Variants in XYLT1 observed in about 807,000 individuals in gnomAD.
XYLT1 encodes xylosyltransferase 1.
Under a neutral mutation model 91.3 loss-of-function variants are expected in XYLT1, and 36 were observed. The ratio of observed to expected loss-of-function variants is 0.39; its 90% CI spans 0.30 to 0.52. The LOEUF (loss-of-function observed/expected upper bound fraction) is 0.52. Ranked by LOEUF, XYLT1 falls within the 20% of genes least tolerant of loss-of-function variation. The probability of loss-of-function intolerance (pLI) is 0.68; values close to 1 mark genes in which losing one functional copy is unlikely to be tolerated. For missense variants in XYLT1, 1,242 were observed against 1,284.5 expected (o/e 0.97, Z 0.51); for synonymous variants, 588 against 532.0 (o/e 1.11, Z -1.45).
At chr16:17,118,110 A>C in intron 10 of XYLT1, 131 bp from the exon 11 acceptor site, 3 of 919,760 alleles carry the variant, frequency 3.3e-6, no homozygotes, top group Non-Finnish European at 1.6e-6. Context: ...GCTCCAACTA[A>C]GTCACCTGCT....
chr16:17,428,284 T>G (rs1332826451), intron 1 of XYLT1, among the ~76,000 whole-genome samples: 3 of 152,168 alleles, frequency 2.0e-5, no homozygotes, highest in Non-Finnish European at 4.4e-5. Flanking sequence ...GCACCAGGAC[T>G]GGAGTAGCTT....
Position 17,200,462 on chromosome 16 carries a change from T to A in XYLT1, c.1086+20A>T, listed in dbSNP as rs762558063. The A allele has an allele frequency of 2.1e-5, 34 of 1,602,424 alleles. No homozygotes were observed. The South Asian group carries it at 3.6e-4, about 17-fold the overall frequency. On this transcript the variant is annotated intron_variant, in intron 4 of 11. Coordinates refer to ENST00000261381, the MANE Select transcript of XYLT1 (RefSeq NM_022166.4). Reference sequence around the variant, plus strand: ...ACCCCGAAGAAAGCCCAGCAAGGGGTGATCACAGAGGCCTCTCACCTTGTC... The same window carrying A: ...ACCCCGAAGAAAGCCCAGCAAGGGGAGATCACAGAGGCCTCTCACCTTGTC...
At chr16:17,396,574 T>C (rs908246415) in intron 1 of XYLT1, among the ~76,000 whole-genome samples, 2 of 152,086 alleles carry the variant, frequency 1.3e-5, no homozygotes, top group Non-Finnish European at 2.9e-5. Flanking sequence ...GGGTAGTACA[T>C]AAAAAAGCTA....
At chr16:17,128,250 A>G (rs2030333237) in intron 9 of XYLT1, among the ~76,000 whole-genome samples, 1 of 152,158 alleles carries the variant, frequency 6.6e-6, no homozygotes, top group African/African-American at 2.4e-5. Context: ...CATAAATACT[A>G]TTTGCATAAA....
intron 9 of XYLT1, among the ~76,000 whole-genome samples, chr16:17,130,839 C>G (rs1312319076): frequency 6.6e-6 from 1 of 151,554 alleles, no homozygotes; most frequent in Non-Finnish European, 1.5e-5. Flanking sequence ...TCAGTAAAAT[C>G]CAAACTCCTT....
chr16:17,240,038 G>A (rs1252955141), intron 3 of XYLT1, among the ~76,000 whole-genome samples: 1 of 152,196 alleles, frequency 6.6e-6, no homozygotes, highest in Non-Finnish European at 1.5e-5. Context: ...ATTTGGAAAA[G>A]GGATGCTAAA....
chr16:17,182,139 G>T (rs1384815836), intron 5 of XYLT1, among the ~76,000 whole-genome samples: 1 of 152,192 alleles, frequency 6.6e-6, no homozygotes, highest in Non-Finnish European at 1.5e-5. Flanking sequence ...ACTCACAAAG[G>T]TTGGATTTGT....
chr16:17,386,842 C>T (rs2035753727), intron 1 of XYLT1, among the ~76,000 whole-genome samples: 1 of 152,188 alleles, frequency 6.6e-6, no homozygotes, highest in Non-Finnish European at 1.5e-5. Context: ...TAGTTGTCAT[C>T]ATCCTTTTAC....
rs1330949141 is a variant in XYLT1, at chr16:17,285,872, CTCTGTGTGTGTGTGTGTG to C, written c.403-26392_403-26375del. ...GGGTCTAGCCCCAAACCTGGTGTAT[CTCTGTGTGTGTGTGTGTG>C]TGTGTGTGTGTGTGTGTGTGTGTGT... is the stretch of plus-strand genomic sequence containing the variant. On this transcript the variant is annotated intron_variant, in intron 2 of 11. Coordinates refer to ENST00000261381, the MANE Select transcript of XYLT1 (RefSeq NM_022166.4). Among the ~76,000 whole-genome samples the C allele has an allele frequency of 2.5e-3, 278 of 112,350 alleles. 1 individual carries two copies. The highest frequency in any genetic ancestry group is 8.8e-3 in the African/African-American group (263 of 30,004). 73.7% of individuals were successfully genotyped at this position (112,350 alleles called of 152,430 possible).
chr16:17,470,576 G>C lies in XYLT1; in HGVS notation c.221C>G (p.Pro74Arg). 8.3e-7 allele frequency: 1 copy of C among 1,197,850 alleles called. No individual in the cohort carries two copies. Among genetic ancestry groups the C allele is most frequent in the South Asian group, 4.2e-5 (1 of 24,048 alleles). The allele number at this position is 1,197,850 out of a possible 1,614,324, so 74.2% of individuals were successfully genotyped here. A position where few individuals can be genotyped will look rare whatever the true frequency, so the allele number is the denominator to read the frequency against. The stretch of plus-strand genomic sequence containing the variant: ...TCCTCCTCCTCCTCGGGCTGCAGCC[G>C]GCTCGGCGGGCAGGTCCCGGCGCTC... Reference protein sequence around the residue: ...RRERRDLPAEPAAARGGGGGG... With the variant: ...RRERRDLPAERAAARGGGGGG... The change falls in exon 1 of 12, where the codon CCG becomes CGG. Residue 74 changes from proline to arginine, a missense_variant. Physicochemically the swap from Pro to Arg is moderately radical, Grantham distance 103 (BLOSUM62 -2). Transcript: ENST00000261381.
At position 17,432,162 on chromosome 16, in the gene XYLT1, G is replaced by A. The variant is rs116255025; in HGVS notation, c.363+38272C>T. Among the ~76,000 whole-genome samples, 874 of 152,284 alleles carry A rather than the reference G, an allele frequency of 5.7e-3. 12 individuals are homozygous for A. Among genetic ancestry groups the A allele is most frequent in the African/African-American group, 0.019 (807 of 41,554 alleles). ...CAGCCACTTTGGAAGACACTTCAAC[G>A]ATTTCTTAAAAAGTTAAATATAAAT... is the stretch of plus-strand genomic sequence containing the variant. On this transcript the variant is annotated intron_variant, in intron 1 of 11. Coordinates refer to ENST00000261381, the MANE Select transcript of XYLT1 (RefSeq NM_022166.4).
At chr16:17,330,557 C>A (rs1227306735) in intron 2 of XYLT1, among the ~76,000 whole-genome samples, 1 of 151,864 alleles carries the variant, frequency 6.6e-6, no homozygotes, top group Non-Finnish European at 1.5e-5. Flanking sequence ...GAGGCCGAGG[C>A]AGGCAGATCT....
chr16:17,124,976 G>A (rs1342388839), intron 10 of XYLT1, among the ~76,000 whole-genome samples: 1 of 152,140 alleles, frequency 6.6e-6, no homozygotes, highest in East Asian at 1.9e-4. Flanking sequence ...ATATTTCACT[G>A]GAGATTTTTC....
chr16:17,410,813 T>G (rs989480350), intron 1 of XYLT1, among the ~76,000 whole-genome samples: 5 of 152,150 alleles, frequency 3.3e-5, no homozygotes. Flanking sequence ...CGGCTAATTT[T>G]GTATTTTTAG....
chr16:17,364,182 G>A (rs1036352928), intron 1 of XYLT1, among the ~76,000 whole-genome samples: 2 of 152,194 alleles, frequency 1.3e-5, no homozygotes, highest in African/African-American at 2.4e-5. Context: ...CTTGGGCAAA[G>A]TCCTTAGCTT....
At chr16:17,177,194 C>A (rs1597171100) in intron 5 of XYLT1, among the ~76,000 whole-genome samples, 1 of 152,142 alleles carries the variant, frequency 6.6e-6, no homozygotes, top group East Asian at 1.9e-4. Context: ...CTTCTTTCAA[C>A]TCTCAGGAAA....
intron 1 of XYLT1, among the ~76,000 whole-genome samples, chr16:17,406,659 G>C (rs1418053298): frequency 6.6e-6 from 1 of 152,266 alleles, no homozygotes; most frequent in Non-Finnish European, 1.5e-5. Context: ...CCCTGGGGAA[G>C]AGAAGCTGTG....
At position 17,222,741 on chromosome 16, in the gene XYLT1, G is replaced by A. The variant is rs539033675; in HGVS notation, c.914-22087C>T. 2.0e-5 allele frequency among the ~76,000 whole-genome samples: 3 copies of A among 148,278 alleles called. No individual in the cohort carries two copies. In the South Asian group the frequency reaches 6.5e-4, roughly 32 times the overall value. On this transcript the variant is annotated intron_variant, in intron 3 of 11. Coordinates refer to ENST00000261381, the MANE Select transcript of XYLT1 (RefSeq NM_022166.4). Reference sequence around the variant, plus strand: ...GGAGGCAGAGATTGCAGCGAGCCGGGATCGTGCCACAGCACTCCAGCCTGG... The same window carrying A: ...GGAGGCAGAGATTGCAGCGAGCCGGAATCGTGCCACAGCACTCCAGCCTGG...
chr16:17,395,821 A>C (rs2035877705), intron 1 of XYLT1, among the ~76,000 whole-genome samples: 1 of 152,072 alleles, frequency 6.6e-6, no homozygotes, highest in Non-Finnish European at 1.5e-5. Flanking sequence ...TTCTTCAGGG[A>C]CCCTTCGGGG....
Sources: allele counts gnomAD v4.1 joint callset (sites outside exome capture counted in the v4.1 genomes callset), GRCh38; gene constraint gnomAD v4.1.1; transcripts MANE v1.5; gene names NCBI Gene and HGNC (gene_info 2026-07-23, HGNC 2026-07-21).